The following PCDH11Y variants were observed in gnomAD, a reference collection of about 807,000 sequenced individuals.
PCDH11Y encodes the protein protocadherin 11 Y-linked.
For synonymous variants in PCDH11Y, 9 were observed against 83.6 expected, an observed-to-expected ratio of 0.11 and a Z score of 4.87; for missense variants, 12 against 224.8, an observed-to-expected ratio of 0.05 and a Z score of 6.05.
chrY:5,447,463 T>G, intron 2 of PCDH11Y, among the ~76,000 whole-genome samples: 1 of 31,273 alleles, frequency 3.2e-5, no homozygotes, highest in Non-Finnish European at 7.8e-5. Flanking sequence ...GATATTTTGT[T>G]TTTTTTTTTC....
intron 2 of PCDH11Y, among the ~76,000 whole-genome samples, chrY:5,173,029 A>T (rs2124645814): frequency 3.0e-5 from 1 of 32,891 alleles, no homozygotes; most frequent in South Asian, 6.6e-4. Flanking sequence ...AGTTTGATGG[A>T]GTGGAAAAAT....
At chrY:5,553,730 G>A (rs2053421069) in intron 3 of PCDH11Y, among the ~76,000 whole-genome samples, 1 of 32,282 alleles carries the variant, frequency 3.1e-5, no homozygotes, top group East Asian at 8.3e-4. Flanking sequence ...TCTGCCTGCT[G>A]CCATCCACGT....
At chrY:5,581,989 T>C (rs2053451317) in intron 4 of PCDH11Y, among the ~76,000 whole-genome samples, 191 bp downstream of exon 5, 1 of 29,464 alleles carries the variant, frequency 3.4e-5, no homozygotes, top group South Asian at 7.5e-4. Context: ...GGATATCTTA[T>C]ATATCTGAAT....
At chrY:5,424,897 G>A (rs2053261913) in intron 2 of PCDH11Y, among the ~76,000 whole-genome samples, 1 of 31,176 alleles carries the variant, frequency 3.2e-5, no homozygotes, top group Non-Finnish European at 7.7e-5. Flanking sequence ...GTCTGGTCTC[G>A]AACTCCTGAC....
chrY:5,509,281 A>G (rs2053361983), intron 3 of PCDH11Y, among the ~76,000 whole-genome samples: 1 of 32,657 alleles, frequency 3.1e-5, no homozygotes, highest in African/African-American at 1.2e-4. Flanking sequence ...TCCTGTTTTA[A>G]AAATGCCCTG....
At chrY:5,082,364 C>T in intron 1 of PCDH11Y, among the ~76,000 whole-genome samples, 2 of 32,545 alleles carry the variant, frequency 6.1e-5, no homozygotes, top group Non-Finnish European at 1.5e-4. Context: ...TGCATCTCTG[C>T]GAGGTTTTGG....
chrY:5,739,245 T>A, exon 5 of PCDH11Y: 1 of 32,681 alleles, frequency 3.1e-5, no homozygotes, highest in Non-Finnish European at 7.5e-5. Flanking sequence ...ATATATGAAA[T>A]AAAATATATT....
intron 2 of PCDH11Y, among the ~76,000 whole-genome samples, chrY:5,225,247 C>T: frequency 3.6e-5 from 1 of 27,927 alleles, no homozygotes. Flanking sequence ...ACCCATTAAA[C>T]ATTTCACCCT....
intron 2 of PCDH11Y, among the ~76,000 whole-genome samples, chrY:5,307,289 A>G (rs2053091674): frequency 3.1e-5 from 1 of 32,667 alleles, no homozygotes; most frequent in Non-Finnish European, 7.5e-5. Flanking sequence ...AGTATAGCAA[A>G]TTTCATTAAG....
chrY:5,079,418 G>T, intron 1 of PCDH11Y, among the ~76,000 whole-genome samples: 1 of 32,923 alleles, frequency 3.0e-5, no homozygotes, highest in Admixed American at 2.7e-4. Context: ...GGTTCTCCAT[G>T]AGTTCTCTGC....
At chrY:5,653,963 T>G in intron 4 of PCDH11Y, among the ~76,000 whole-genome samples, 1 of 33,151 alleles carries the variant, frequency 3.0e-5, no homozygotes, top group African/African-American at 1.2e-4. Context: ...ATATTCAACA[T>G]TCTTAAAAAA....
chrY:5,439,399 T>G, intron 2 of PCDH11Y, among the ~76,000 whole-genome samples: 3 of 33,279 alleles, frequency 9.0e-5, no homozygotes, highest in African/African-American at 3.5e-4. Context: ...TCACCCTATA[T>G]TCTCTGATCT....
intron 1 of PCDH11Y, among the ~76,000 whole-genome samples, chrY:5,005,498 T>G: frequency 3.0e-5 from 1 of 33,703 alleles, no homozygotes; most frequent in African/African-American, 1.2e-4. Flanking sequence ...ATCTTCCATC[T>G]ATCCAGTAAA....
rs199812625 is a variant in PCDH11Y at position 5,695,410 on chromosome Y, CT to C, written c.3353-41851del. Among the ~76,000 whole-genome samples, 113 of 14,471 alleles carry C rather than the reference CT, an allele frequency of 7.8e-3. No homozygotes were observed. The East Asian group carries it at 0.18, about 24-fold the overall frequency. 38.8% of individuals were successfully genotyped at this position (14,471 alleles called of 37,273 possible). On this transcript the variant is annotated intron_variant, in intron 4 of 4. Coordinates refer to the PCDH11Y transcript ENST00000400457. ...TCTTTTAGACAACAGATCAATGAGT[CT>C]TTTTTTTTTTCAATCCATTAAGCCA... is the stretch of plus-strand genomic sequence containing the variant.
At chrY:5,576,962 T>C in intron 3 of PCDH11Y, among the ~76,000 whole-genome samples, 10 of 32,662 alleles carry the variant, frequency 3.1e-4, no homozygotes, top group Admixed American at 2.8e-3. Context: ...TAATAGTATG[T>C]GAGTTCCTTG....
intron 2 of PCDH11Y, among the ~76,000 whole-genome samples, chrY:5,117,803 TGTAA>T (rs2052812790): frequency 3.2e-5 from 1 of 31,733 alleles, no homozygotes; most frequent in African/African-American, 1.2e-4. Context: ...AAGATATTTA[TGTAA>T]GTTTGATTTC....
upstream of PCDH11Y, among the ~76,000 whole-genome samples, chrY:5,055,302 C>T (rs2052659135): frequency 3.0e-5 from 1 of 33,214 alleles, no homozygotes; most frequent in Non-Finnish European, 7.5e-5. Flanking sequence ...TTATTTATAT[C>T]ATATGTAGTC....
At chrY:5,009,880 T>G (rs2052545272) in intron 1 of PCDH11Y, among the ~76,000 whole-genome samples, 1 of 33,891 alleles carries the variant, frequency 3.0e-5, no homozygotes, top group Non-Finnish European at 7.3e-5. Flanking sequence ...ATAGCTTGTC[T>G]CTTTTACTTC....
intron 2 of PCDH11Y, among the ~76,000 whole-genome samples, chrY:5,448,821 C>T (rs2053289967): frequency 3.0e-5 from 1 of 33,116 alleles, no homozygotes; most frequent in Non-Finnish European, 7.5e-5. Context: ...TTAAGGTTGG[C>T]AGCTGCATTG....
Sources: gnomAD v4.1 joint callset for allele counts (sites outside exome capture counted in the v4.1 genomes callset) on GRCh38, gnomAD v4.1.1 for gene constraint, MANE v1.5 for transcripts, NCBI Gene and HGNC (gene_info 2026-07-23, HGNC 2026-07-21) for gene names.